The following ABLIM1 variants were observed in gnomAD, a reference collection of about 807,000 sequenced individuals.
ABLIM1 encodes the protein actin binding LIM protein 1.
Under a neutral mutation model 107.0 loss-of-function variants are expected in ABLIM1, and 40 were observed. That is an observed-to-expected ratio of 0.37 (90% CI 0.29 to 0.49). The LOEUF is 0.49. Among genes scored for constraint, ABLIM1 ranks in the 20% least tolerant of loss-of-function variants. The pLI, the probability that ABLIM1 is intolerant of heterozygous loss-of-function variation, is 0.97. For synonymous variants in ABLIM1, 357 were observed against 357.3 expected (o/e 1.00, Z 0.01); for missense variants, 857 against 1,008.5 (o/e 0.85, Z 2.04).
At chr10:114,468,477 C>A (rs185177538) in intron 10 of ABLIM1, among the ~76,000 whole-genome samples, 1 of 151,970 alleles carries the variant, frequency 6.6e-6, no homozygotes, top group Non-Finnish European at 1.5e-5. Context: ...GGTTTCACTG[C>A]GTTAGTCAGG....
At chr10:114,485,138 C>T (rs2057994696) in intron 8 of ABLIM1, among the ~76,000 whole-genome samples, 1 of 152,366 alleles carries the variant, frequency 6.6e-6, no homozygotes, top group South Asian at 2.1e-4. Context: ...AAGAAGACAA[C>T]AGCCAGAGTC....
upstream of ABLIM1, among the ~76,000 whole-genome samples, chr10:114,770,996 A>G (rs2083017569): frequency 6.6e-6 from 1 of 152,024 alleles, no homozygotes; most frequent in African/African-American, 2.4e-5. Flanking sequence ...ACACCTGGCT[A>G]ATTTTTGTAT....
intron 6 of ABLIM1, among the ~76,000 whole-genome samples, chr10:114,542,773 T>C (rs2066864209): frequency 6.6e-6 from 1 of 152,102 alleles, no homozygotes; most frequent in Non-Finnish European, 1.5e-5. Context: ...TGGGGAGGGA[T>C]GAGGGATGGA....
chr10:114,572,726 CACTCATTAGCTAA>C (rs1361031153), intron 3 of ABLIM1, among the ~76,000 whole-genome samples: 1 of 152,228 alleles, frequency 6.6e-6, no homozygotes, highest in Non-Finnish European at 1.5e-5. Context: ...TACTGCTTCA[CACTCATTAGCTAA>C]ACCTGAACAA....
At chr10:114,562,766 C>G (rs372251209) in intron 4 of ABLIM1, among the ~76,000 whole-genome samples, 2 of 152,296 alleles carry the variant, frequency 1.3e-5, no homozygotes, top group East Asian at 3.9e-4. Flanking sequence ...CCCTCAGAGG[C>G]TCTCCTGGGA....
At chr10:114,526,681 T>G in intron 6 of ABLIM1, 1 of 985,522 alleles carries the variant, frequency 1.0e-6, no homozygotes, top group Non-Finnish European at 1.2e-6. Flanking sequence ...GTTCCTTTTC[T>G]TCTAATTCTG....
intron 6 of ABLIM1, among the ~76,000 whole-genome samples, chr10:114,536,232 T>C (rs1391528518): frequency 4.2e-4 from 2 of 4,760 alleles, no homozygotes; most frequent in African/African-American, 7.3e-4. Flanking sequence ...TCTTTGTTTT[T>C]TTTTTTTTTT....
intron 1 of ABLIM1, among the ~76,000 whole-genome samples, chr10:114,614,459 C>T (rs1311451935): frequency 6.6e-6 from 1 of 152,096 alleles, no homozygotes; most frequent in African/African-American, 2.4e-5. Flanking sequence ...AAGTATTAGA[C>T]ATGTTTTTCA....
At chr10:114,584,883 A>C (rs1488532541) in intron 2 of ABLIM1, among the ~76,000 whole-genome samples, 2 of 152,204 alleles carry the variant, frequency 1.3e-5, no homozygotes, top group African/African-American at 4.8e-5. Context: ...TTTATTAATA[A>C]AATCTTTGAC....
chr10:114,776,284 C>T, the ABLIM1 span: 1 of 151,406 alleles, frequency 6.6e-6, no homozygotes, highest in Non-Finnish European at 1.5e-5. Context: ...TACTGTTGTA[C>T]CTTTGAAGGT....
At chr10:114,548,989 G>A (rs537355786) in intron 4 of ABLIM1, among the ~76,000 whole-genome samples, 1 of 152,318 alleles carries the variant, frequency 6.6e-6, no homozygotes, top group African/African-American at 2.4e-5. Context: ...TTAATTCTCT[G>A]ACCATCCAGA....
rs2059172876 is a variant in ABLIM1 at position 114,434,439 on chromosome 10, C to T, written c.*1821G>A. 1 of 152,074 alleles carries T rather than the reference C, an allele frequency of 6.6e-6. No individual in the cohort carries two copies. Among genetic ancestry groups the T allele is most frequent in the Admixed American group, 6.6e-5 (1 of 15,260 alleles). The allele number at this position is 152,074 out of a possible 1,614,324, so 9.4% of individuals were successfully genotyped here. ...GAACAGTGACTGTTCATTCCATCCC[C>T]CAAATGACAGCGGTGAGCCACGTGT... On this transcript the variant is annotated 3_prime_UTR_variant, in exon 23 of 23. Transcript: ENST00000533213.
At chr10:114,502,026 C>T (rs2060495847) in intron 6 of ABLIM1, 1 of 152,888 alleles carries the variant, frequency 6.5e-6, no homozygotes, top group Admixed American at 6.5e-5. Context: ...TAGGTGACCC[C>T]CATGGTATGG....
At chr10:114,539,245 C>G (rs1354740893) in intron 6 of ABLIM1, among the ~76,000 whole-genome samples, 1 of 152,144 alleles carries the variant, frequency 6.6e-6, no homozygotes, top group Non-Finnish European at 1.5e-5. Flanking sequence ...GTAATACCAG[C>G]TACTTAGGAG....
chr10:114,731,377 G>T (rs2082069958), intron 1 of ABLIM1, among the ~76,000 whole-genome samples: 1 of 151,766 alleles, frequency 6.6e-6, no homozygotes, highest in African/African-American at 2.4e-5. Context: ...CCTGACCTCA[G>T]GTGATCTGCG....
intron 1 of ABLIM1, among the ~76,000 whole-genome samples, chr10:114,709,503 G>A (rs1336349052): frequency 5.3e-5 from 8 of 152,152 alleles, no homozygotes; most frequent in Admixed American, 4.6e-4. Flanking sequence ...TATGTGAAAT[G>A]GAGATGATCA....
At chr10:114,510,261 C>G (rs943249822) in intron 6 of ABLIM1, among the ~76,000 whole-genome samples, 1 of 152,208 alleles carries the variant, frequency 6.6e-6, no homozygotes, top group Non-Finnish European at 1.5e-5. Flanking sequence ...TGGGGCCCCT[C>G]TAGAGAAAGT....
At chr10:114,621,736 C>T (rs757756922) in intron 1 of ABLIM1, among the ~76,000 whole-genome samples, 44 of 152,308 alleles carry the variant, frequency 2.9e-4, no homozygotes, top group Non-Finnish European at 5.4e-4. Context: ...CCTGCTAACC[C>T]ATTCATCCAC....
chr10:114,709,021 T>C (rs2081485785), intron 1 of ABLIM1, among the ~76,000 whole-genome samples: 1 of 152,192 alleles, frequency 6.6e-6, no homozygotes, highest in South Asian at 2.1e-4. Context: ...GGGAAGTTGA[T>C]TAGGGCTATA....
Sources: allele counts gnomAD v4.1 joint callset (sites outside exome capture counted in the v4.1 genomes callset), GRCh38; gene constraint gnomAD v4.1.1; transcripts MANE v1.5; gene names NCBI Gene and HGNC (gene_info 2026-07-23, HGNC 2026-07-21).